Variants in RNF213 observed in about 807,000 individuals in gnomAD.
RNF213 encodes the protein ring finger protein 213.
A neutral mutation model predicts 514.4 loss-of-function variants in RNF213; 341 were observed. That is an observed-to-expected ratio of 0.66 (90% CI 0.61 to 0.73). The LOEUF is 0.73. RNF213 is among the 30% of genes least tolerant of loss of function. The pLI, the probability that RNF213 is intolerant of heterozygous loss-of-function variation, is 0.00. For synonymous variants in RNF213, 2,655 were observed against 2,658.2 expected, an observed-to-expected ratio of 1.00 and a Z score of 0.04; for missense variants, 5,767 against 6,615.6, an observed-to-expected ratio of 0.87 and a Z score of 4.45.
At chr17:80,331,406 T>TTGA (rs2046412485) in intron 20 of RNF213, among the ~76,000 whole-genome samples, 1 of 147,354 alleles carries the variant, frequency 6.8e-6, no homozygotes, top group South Asian at 2.1e-4. Context: ...TTTTTTTTTT[T>TTGA]GATATGGAGT....
chr17:80,358,500 C>A (rs767202360), intron 37 of RNF213, 21 bp downstream of exon 37: 1 of 1,604,188 alleles, frequency 6.2e-7, no homozygotes, highest in South Asian at 1.1e-5. Flanking sequence ...GGCTTTCTTT[C>A]CCTGGGGAGA....
intron 63 of RNF213, 82 bp downstream of exon 63, chr17:80,386,973 G>A (rs1010008774): frequency 5.9e-6 from 8 of 1,347,060 alleles, no homozygotes; most frequent in South Asian, 2.5e-5. Context: ...TCGAGAGAGG[G>A]AAGCAGCACC....
rs751529205 is a variant in RNF213, at chr17:80,344,898, G to C, written c.6563G>C (p.Gly2188Ala). Residue 2188 changes from glycine (G) to alanine (A), a missense_variant, in exon 29 of 68, where the codon GGC becomes GCC. By Grantham distance (60) the Gly-to-Ala change is moderately conservative. Transcript: ENST00000582970. Reference protein sequence around the residue: ...QDLDTFQYQEGSVEGTPEECL... With the variant: ...QDLDTFQYQEASVEGTPEECL... ...CTAGACACGTTTCAGTATCAAGAAG[G>C]CTCTGTCGAAGGCACCCCGGAGGAA... 2 of 1,614,032 alleles carry C rather than the reference G, an allele frequency of 1.2e-6. No individual in the cohort carries two copies. Among genetic ancestry groups the C allele is most frequent in the Admixed American group, 1.7e-5 (1 of 59,994 alleles).
intron 17 of RNF213, among the ~76,000 whole-genome samples, chr17:80,323,545 C>A (rs1242394534): frequency 6.6e-6 from 1 of 151,540 alleles, no homozygotes; most frequent in African/African-American, 2.4e-5. Context: ...TTTTTTTCCC[C>A]TGTTAGACAG....
chr17:80,350,461 A>AT, intron 31 of RNF213, 65 bp downstream of exon 31: 3 of 1,026,168 alleles, frequency 2.9e-6, no homozygotes, highest in Non-Finnish European at 4.6e-6. Flanking sequence ...GTCCTAGAGA[A>AT]TTTTTTCCTT....
chr17:80,385,309 G>C (rs1044460663), intron 60 of RNF213, 138 bp downstream of exon 60: 56 of 1,147,386 alleles, frequency 4.9e-5, no homozygotes, highest in South Asian at 3.7e-4. Context: ...ACCATGCGGT[G>C]AAGGGTGCTT....
chr17:80,364,976 CAG>C, intron 42 of RNF213: 1 of 284,108 alleles, frequency 3.5e-6, no homozygotes, highest in South Asian at 3.4e-5. Context: ...GTCTTCAAAA[CAG>C]TGCTGTCAAC....
chr17:80,381,999 G>A (rs1034086990), intron 57 of RNF213: 4 of 470,490 alleles, frequency 8.5e-6, no homozygotes, highest in East Asian at 8.2e-5. Context: ...TGCGGTATTC[G>A]GGAGCGTCTG....
intron 2 of RNF213, among the ~76,000 whole-genome samples, chr17:80,272,829 C>T (rs1377128678): frequency 6.6e-6 from 1 of 152,158 alleles, no homozygotes; most frequent in Non-Finnish European, 1.5e-5. Context: ...CAGTTTGAGA[C>T]CCCTGGGCCG....
chr17:80,375,376 A>T (rs1388355790), intron 50 of RNF213, among the ~76,000 whole-genome samples: 1 of 152,148 alleles, frequency 6.6e-6, no homozygotes, highest in Non-Finnish European at 1.5e-5. Flanking sequence ...TTCTTTTCAC[A>T]TGCAAACTTC....
Position 80,347,248 on chromosome 17 carries a change from T to G in RNF213, c.8913T>G (p.Asn2971Lys). Residue 2971 changes from asparagine (N) to lysine (K), a missense_variant, in exon 29 of 68, where the codon AAT becomes AAG. This residue lies in a region of RNF213 where 919 missense variants were observed against 1,121.0 expected (regional missense o/e 0.82). Coordinates refer to ENST00000582970, the MANE Select transcript of RNF213 (RefSeq NM_001256071.3). This position sits in a 1 kb window ranked among gnomAD's most constrained non-coding sequence, Gnocchi z 7.2. ...KMVFAAAKASNRKPSPQDIAQ... is the reference protein window; with the variant it reads ...KMVFAAAKASKRKPSPQDIAQ... ...TCTTTGCTGCAGCAAAGGCTTCAAA[T>G]AGAAAGCCTTCCCCGCAAGACATTG... 2 of 1,613,344 alleles carry G rather than the reference T, an allele frequency of 1.2e-6. No homozygotes were observed. The highest frequency in any genetic ancestry group is 1.7e-6 in the Non-Finnish European group (2 of 1,179,722).
rs1347787277 is a variant in RNF213 at position 80,377,464 on chromosome 17, AAAG to A, written c.13511-297_13511-295del. ...AAAAAAAAAAAATCAAGGAAAATAGAAAGGTCTAGAATCCTGTCCACCTTGCCT... is the reference window on the plus strand; with the variant it reads ...AAAAAAAAAAAATCAAGGAAAATAGAGTCTAGAATCCTGTCCACCTTGCCT... On this transcript the variant is annotated intron_variant, in intron 53 of 67. Transcript: ENST00000582970. This position sits in a 1 kb window ranked among gnomAD's most constrained non-coding sequence, Gnocchi z 4.1. Among the ~76,000 whole-genome samples the A allele has an allele frequency of 2.0e-5, 3 of 151,880 alleles. No homozygotes were observed. Among genetic ancestry groups the A allele is most frequent in the Admixed American group, 6.6e-5 (1 of 15,254 alleles).
intron 67 of RNF213, among the ~76,000 whole-genome samples, chr17:80,392,314 TC>T (rs1487751507): frequency 6.6e-6 from 1 of 152,226 alleles, no homozygotes; most frequent in Non-Finnish European, 1.5e-5. Context: ...ATAAAAAAGA[TC>T]CCTTTCCTAG....
At chr17:80,311,254 C>T (rs571291484) in intron 14 of RNF213, among the ~76,000 whole-genome samples, 4 of 152,146 alleles carry the variant, frequency 2.6e-5, no homozygotes, top group East Asian at 3.8e-4. Context: ...AAATACGTGA[C>T]GCATGTTGAA....
Position 80,337,905 on chromosome 17 carries a change from T to TCTTTAGAGGAGGTGAAGG in RNF213, c.4742_4759dup (p.Lys1586_Glu1587insAlaLeuGluGluValLys). On this transcript the variant is annotated inframe_insertion, in exon 25 of 68. Coordinates refer to ENST00000582970, the MANE Select transcript of RNF213 (RefSeq NM_001256071.3). ...CAGCCACGAGGAGTCACGAGAGTAC[T>TCTTTAGAGGAGGTGAAGG]CTTTAGAGGAGGTGAAGGAGCTTTT... The TCTTTAGAGGAGGTGAAGG allele has an allele frequency of 8.5e-6, 13 of 1,537,256 alleles. No homozygotes were observed. Among genetic ancestry groups the TCTTTAGAGGAGGTGAAGG allele is most frequent in the Non-Finnish European group, 1.1e-5 (13 of 1,146,902 alleles).
intron 49 of RNF213, among the ~76,000 whole-genome samples, chr17:80,373,747 A>G (rs2079619606): frequency 6.6e-6 from 1 of 152,202 alleles, no homozygotes; most frequent in Non-Finnish European, 1.5e-5. Flanking sequence ...CTGTAATTCC[A>G]GCACTTTGGG....
At chr17:80,324,047 T>C (rs903652286) in intron 17 of RNF213, among the ~76,000 whole-genome samples, 1 of 152,204 alleles carries the variant, frequency 6.6e-6, no homozygotes, top group African/African-American at 2.4e-5. Context: ...CATCTGTGAA[T>C]AGAGTTTCAC....
chr17:80,312,977 G>T (rs1004457217), intron 14 of RNF213, 35 bp from the exon 15 acceptor site: 31 of 1,613,036 alleles, frequency 1.9e-5, no homozygotes, highest in Non-Finnish European at 2.4e-5. Flanking sequence ...GTCCACAGCC[G>T]AGGATGACTG....
Position 80,327,941 on chromosome 17 carries a change from G to T in RNF213, c.3319G>T (p.Glu1107Ter). 1 of 1,537,272 alleles carries T rather than the reference G, an allele frequency of 6.5e-7. No homozygotes were observed. The highest frequency in any genetic ancestry group is 2.4e-5 in the East Asian group (1 of 40,928). ...LSGTILVGQL[E>*]LIIKHKNQFL... ...TGGCACGATTTTAGTTGGACAACTG[G>T]AGCTGATTATAAAGCACAAGAATCA... The change falls in exon 19 of 68, where the codon GAG (glutamate) becomes TAG (stop). Residue 1107 changes from glutamate to a stop codon, truncating the protein, a stop_gained. Coordinates refer to ENST00000582970, the MANE Select transcript of RNF213 (RefSeq NM_001256071.3). LOFTEE classifies it high-confidence loss of function.
Sources: allele counts gnomAD v4.1 joint callset (sites outside exome capture counted in the v4.1 genomes callset), GRCh38; gene constraint gnomAD v4.1.1; regional missense constraint gnomAD v4.1.1; non-coding constraint Gnocchi (gnomAD v3.1); transcripts MANE v1.5; gene names NCBI Gene and HGNC (gene_info 2026-07-23, HGNC 2026-07-21).